The following TASP1 variants were observed in gnomAD, a reference collection of about 807,000 sequenced individuals.
The protein encoded by TASP1 is threonine aspartase 1.
TASP1 carries 16 observed loss-of-function variants against 56.6 expected under a neutral mutation model. That is an observed-to-expected ratio of 0.28 (90% CI 0.19 to 0.43). The LOEUF (loss-of-function observed/expected upper bound fraction) is 0.43. Among genes scored for constraint, TASP1 ranks in the 20% least tolerant of loss-of-function variants. The pLI, the probability that TASP1 is intolerant of heterozygous loss-of-function variation, is 1.00. For synonymous variants in TASP1, 179 were observed against 184.2 expected, an observed-to-expected ratio of 0.97 and a Z score of 0.23; for missense variants, 393 against 511.6, an observed-to-expected ratio of 0.77 and a Z score of 2.24.
intron 7 of TASP1, among the ~76,000 whole-genome samples, chr20:13,565,226 A>G (rs764355769): frequency 6.6e-6 from 1 of 152,180 alleles, no homozygotes; most frequent in Non-Finnish European, 1.5e-5. Flanking sequence ...ACTTTATACC[A>G]TATAAAAAAA....
At chr20:13,132,245 C>T in the TASP1 span, among the ~76,000 whole-genome samples, 1 of 144,216 alleles carries the variant, frequency 6.9e-6, no homozygotes, top group South Asian at 2.2e-4. Flanking sequence ...GGTGCCATCT[C>T]GGCTCACTGC....
the TASP1 span, among the ~76,000 whole-genome samples, chr20:13,313,510 T>C: frequency 6.6e-6 from 1 of 152,184 alleles, no homozygotes; most frequent in South Asian, 2.1e-4. Context: ...CACTTTCCTT[T>C]TTCTTCCACC....
chr20:13,533,498 G>A (rs890541260), intron 9 of TASP1, among the ~76,000 whole-genome samples: 2 of 152,150 alleles, frequency 1.3e-5, no homozygotes, highest in African/African-American at 4.8e-5. Context: ...TCCATTTCTA[G>A]ATTTGTTAAG....
At chr20:13,135,975 C>G in the TASP1 span, among the ~76,000 whole-genome samples, 1 of 152,170 alleles carries the variant, frequency 6.6e-6, no homozygotes, top group Non-Finnish European at 1.5e-5. Flanking sequence ...GAAAGGGAAA[C>G]AGTAATGGAA....
At chr20:13,289,254 G>A in the TASP1 span, among the ~76,000 whole-genome samples, 21 of 152,272 alleles carry the variant, frequency 1.4e-4, no homozygotes, top group Admixed American at 1.0e-3. Flanking sequence ...TTTGATGTGG[G>A]ATTTGTTGTC....
At chr20:13,320,499 C>A in the TASP1 span, among the ~76,000 whole-genome samples, 1 of 152,088 alleles carries the variant, frequency 6.6e-6, no homozygotes, top group African/African-American at 2.4e-5. Flanking sequence ...TATTAGGTGG[C>A]TTTAGAAAGA....
At chr20:13,402,493 T>C (rs755472698) in intron 13 of TASP1, among the ~76,000 whole-genome samples, 22 of 152,212 alleles carry the variant, frequency 1.4e-4, no homozygotes, top group Non-Finnish European at 3.2e-4. Flanking sequence ...TTAGCCACTT[T>C]TCCTGTGGTT....
chr20:13,609,356 T>C (rs2048268434), intron 4 of TASP1, among the ~76,000 whole-genome samples: 1 of 151,510 alleles, frequency 6.6e-6, no homozygotes, highest in African/African-American at 2.4e-5. Flanking sequence ...GCAAAAAGGG[T>C]TCATTCAGTT....
At chr20:13,599,845 C>CT (rs1445952431) in intron 4 of TASP1, among the ~76,000 whole-genome samples, 2 of 150,436 alleles carry the variant, frequency 1.3e-5, no homozygotes, top group Non-Finnish European at 3.0e-5. Context: ...CTTTCTCAAC[C>CT]TTCTCAACCA....
chr20:13,586,441 C>A lies in TASP1; in HGVS notation c.403+809G>T, dbSNP rs529436496. On this transcript the variant is annotated intron_variant, in intron 5 of 13. Transcript: ENST00000337743. ...AAACAGACACAGAAGTGTCTGATCCCACTCATGTAAATTTTAGGAACAGGC... is the reference window on the plus strand; with the variant it reads ...AAACAGACACAGAAGTGTCTGATCCAACTCATGTAAATTTTAGGAACAGGC... 2.4e-4 allele frequency among the ~76,000 whole-genome samples: 36 copies of A among 152,256 alleles called. No homozygotes were observed. The South Asian group carries it at 5.0e-3, about 21-fold the overall frequency.
At chr20:13,316,232 A>C in the TASP1 span, among the ~76,000 whole-genome samples, 1 of 151,956 alleles carries the variant, frequency 6.6e-6, no homozygotes. Context: ...AATCTGCCAA[A>C]ATTCACACAA....
At chr20:13,630,930 T>C (rs972421556) in intron 1 of TASP1, among the ~76,000 whole-genome samples, 4 of 152,122 alleles carry the variant, frequency 2.6e-5, no homozygotes, top group Admixed American at 6.5e-5. Flanking sequence ...TAGTTCCTCA[T>C]GTTATTTTTT....
chr20:13,457,907 C>A (rs2043906315), intron 11 of TASP1, among the ~76,000 whole-genome samples: 2 of 152,192 alleles, frequency 1.3e-5, no homozygotes, highest in African/African-American at 4.8e-5. Context: ...AAAGACCCTA[C>A]ACCCACAGAA....
chr20:13,214,546 C>CAG, the TASP1 span, among the ~76,000 whole-genome samples: 14 of 133,698 alleles, frequency 1.0e-4, no homozygotes, highest in Non-Finnish European at 2.0e-4. Flanking sequence ...CACACACACA[C>CAG]ACACACACAC....
intron 11 of TASP1, among the ~76,000 whole-genome samples, chr20:13,465,156 G>A (rs765572484): frequency 2.5e-5 from 3 of 120,394 alleles, no homozygotes; most frequent in Non-Finnish European, 3.2e-5. Flanking sequence ...AGGTGACAGA[G>A]CAAGACCCCC....
chr20:13,474,081 G>T (rs2044627553), intron 11 of TASP1, among the ~76,000 whole-genome samples: 1 of 152,094 alleles, frequency 6.6e-6, no homozygotes, highest in Non-Finnish European at 1.5e-5. Context: ...GTCTTGAAAA[G>T]AAATAAAAAT....
intron 4 of TASP1, 135 bp from the exon 5 acceptor site, chr20:13,587,505 T>C: frequency 1.6e-6 from 1 of 637,460 alleles, no homozygotes; most frequent in Non-Finnish European, 2.6e-6. Context: ...AATACCACCC[T>C]GATGTTAAAA....
intron 12 of TASP1, among the ~76,000 whole-genome samples, chr20:13,422,118 ATT>A (rs2042463120): frequency 6.6e-6 from 1 of 151,628 alleles, no homozygotes; most frequent in Non-Finnish European, 1.5e-5. Context: ...CGCCCGGCTA[ATT>A]TTTTGTGTTT....
intron 10 of TASP1, among the ~76,000 whole-genome samples, chr20:13,496,505 G>A (rs2043736169): frequency 1.3e-5 from 2 of 151,126 alleles, no homozygotes; most frequent in African/African-American, 4.9e-5. Context: ...AAAAGGAGGA[G>A]GAGGATCATT....
Sources: gnomAD v4.1 joint callset for allele counts (sites outside exome capture counted in the v4.1 genomes callset) on GRCh38, gnomAD v4.1.1 for gene constraint, MANE v1.5 for transcripts, NCBI Gene and HGNC (gene_info 2026-07-23, HGNC 2026-07-21) for gene names.